Variants in KRT34 observed in about 807,000 individuals in gnomAD.
The protein encoded by KRT34 is keratin 34.
A neutral mutation model predicts 41.7 loss-of-function variants in KRT34; 31 were observed. That is an observed-to-expected ratio of 0.74 (90% confidence interval 0.56 to 1.00). KRT34 has a LOEUF of 1.00. Ranked by LOEUF, KRT34 falls within the 50% of genes least tolerant of loss-of-function variation. KRT34 has a pLI of 0.00. For missense variants in KRT34, 523 were observed against 500.3 expected, an observed-to-expected ratio of 1.05 and a Z score of -0.43; for synonymous variants, 224 against 212.9, an observed-to-expected ratio of 1.05 and a Z score of -0.45.
intron 2 of KRT34, 114 bp from the exon 3 acceptor site, chr17:41,381,326 T>A: frequency 8.9e-7 from 1 of 1,117,566 alleles, no homozygotes; most frequent in Non-Finnish European, 1.3e-6. Context: ...TTCTGCCTCT[T>A]CTCTTCCATA....
In KRT34 at chr17:41,379,454, C is replaced by G; in HGVS notation, c.775G>C (p.Val259Leu). 1.2e-6 allele frequency: 2 copies of G among 1,614,224 alleles called. No homozygotes were observed. The highest frequency in any genetic ancestry group is 1.7e-6 in the Non-Finnish European group (2 of 1,180,048). Residue 259 changes from valine to leucine, a missense_variant, in exon 5 of 7, where the codon GTA becomes CTA. Physicochemically the swap from Val to Leu is conservative, Grantham distance 32. Transcript: ENST00000394001. Reference protein sequence around the residue: ...TQTEELNKQVVSSSEQLQSCQ... With the variant: ...TQTEELNKQVLSSSEQLQSCQ... ...GACTGCAGCTGCTCTGAGCTGGATA[C>G]CACCTGCTTGTTCAGCTCCTCGGTC...
At position 41,381,733 on chromosome 17, in the gene KRT34, G is replaced by A; in HGVS notation, c.411C>T (p.Ala137=). ...CATACTTGCTTCTGAAGTCGTCAGA[G>A]GCCAGCTTGGCATTGTCAATGTTCA... The part of the protein sequence containing the change: ...LVVNIDNAKL[A]SDDFRSKYQT... The change falls in exon 2 of 7, where the codon GCC becomes GCT. Residue 137 remains alanine (A), a synonymous_variant. Coordinates refer to ENST00000394001, the MANE Select transcript of KRT34 (RefSeq NM_001386014.1). 6 of 1,614,164 alleles carry A rather than the reference G, an allele frequency of 3.7e-6. No homozygotes were observed. Among genetic ancestry groups the A allele is most frequent in the Non-Finnish European group, 5.1e-6 (6 of 1,179,988 alleles).
upstream of KRT34, among the ~76,000 whole-genome samples, chr17:41,382,927 G>C (rs145786320): frequency 3.2e-3 from 482 of 152,252 alleles, 4 homozygotes; most frequent in African/African-American, 0.011. Flanking sequence ...GAATGGATGG[G>C]AGTATACCTA....
chr17:41,383,398 G>A (rs550401216), upstream of KRT34, among the ~76,000 whole-genome samples: 83 of 152,340 alleles, frequency 5.4e-4, 1 homozygote, highest in Non-Finnish European at 8.5e-4. Context: ...CAGTGGCAGA[G>A]TTGTGTAGTT....
Position 41,379,582 on chromosome 17 carries a change from C to T in KRT34, c.738G>A (p.Trp246Ter), listed in dbSNP as rs763689125. ...VEINRREVEQWFATQTEELNK... is the reference protein window; with the variant it reads ...VEINRREVEQ Reference sequence around the variant, plus strand: ...CTTAGATGCCCACCTGCGTGGCGAACCATTGCTCCACTTCCCTGCGGTTAA... The same window carrying T: ...CTTAGATGCCCACCTGCGTGGCGAATCATTGCTCCACTTCCCTGCGGTTAA... The change falls in exon 4 of 7, where the codon TGG becomes TGA. Residue 246 changes from tryptophan to a stop codon, truncating the protein, a stop_gained. Transcript: ENST00000394001. LOFTEE classifies it high-confidence loss of function. 1 of 1,613,864 alleles carries T rather than the reference C, an allele frequency of 6.2e-7. No individual in the cohort carries two copies. Among genetic ancestry groups the T allele is most frequent in the Admixed American group, 1.7e-5 (1 of 59,988 alleles).
chr17:41,380,923 C>T (rs1013611209), intron 3 of KRT34, 133 bp downstream of exon 3: 7 of 869,740 alleles, frequency 8.0e-6, no homozygotes, highest in Admixed American at 2.0e-5. Context: ...GGATGTAGCA[C>T]CGTCACTCTC....
At position 41,379,510 on chromosome 17, in the gene KRT34, C is replaced by A. The variant is rs774627374; in HGVS notation, c.751-32G>T. 31 of 1,614,056 alleles carry A rather than the reference C, an allele frequency of 1.9e-5. No homozygotes were observed. In the African/African-American group the frequency reaches 4.0e-4, roughly 21 times the overall value. On this transcript the variant is annotated intron_variant, in intron 4 of 6. Transcript: ENST00000394001. The stretch of plus-strand genomic sequence containing the variant: ...CACCCAAGTGGGGAAAGGATCAGAC[C>A]CTGTCTCCAGGGCCCTGGGGCACCT...
chr17:41,379,633 C>G lies in KRT34; in HGVS notation c.687G>C (p.Arg229Ser), dbSNP rs768361702. The G allele has an allele frequency of 1.9e-6, 3 of 1,614,022 alleles. No homozygotes were observed. The highest frequency in any genetic ancestry group is 4.5e-5 in the East Asian group (2 of 44,892). The part of the protein sequence containing the change: ...VDLNQVLNET[R>S]SQYEALVEIN... ...TTTCCACCAGAGCCTCATACTGACT[C>G]CTGGTCTCGTTCAGGACCTGGTTCA... The change falls in exon 4 of 7, where the codon AGG becomes AGC. Residue 229 changes from arginine to serine, a missense_variant. Physicochemically the swap from Arg to Ser is moderately radical, Grantham distance 110. Coordinates refer to ENST00000394001, the MANE Select transcript of KRT34 (RefSeq NM_001386014.1).
At chr17:41,382,591 G>A (rs901905560), upstream of KRT34, among the ~76,000 whole-genome samples, 2 of 152,120 alleles carry the variant, frequency 1.3e-5, no homozygotes, top group African/African-American at 4.8e-5. Context: ...TTACTCAGAG[G>A]GGAGGACAGC....
chr17:41,379,388 C>T lies in KRT34; in HGVS notation c.841G>A (p.Ala281Thr), dbSNP rs779910638. Residue 281 changes from alanine to threonine, a missense_variant, in exon 5 of 7, where the codon GCC becomes ACC. By Grantham distance (58) the Ala-to-Thr change is moderately conservative. Transcript: ENST00000394001. ...TGGGCCTGCAGCTCGATCTCCAGGG[C>T]GTTGACTGTGCGTCTCAGCTCGATG... Reference protein sequence around the residue: ...EIIELRRTVNALEIELQAQHN... With the variant: ...EIIELRRTVNTLEIELQAQHN... 90 of 1,613,344 alleles carry T rather than the reference C, an allele frequency of 5.6e-5. No individual in the cohort carries two copies. Among genetic ancestry groups the T allele is most frequent in the Non-Finnish European group, 7.1e-5 (84 of 1,180,042 alleles).
intron 2 of KRT34, among the ~76,000 whole-genome samples, 199 bp from the exon 3 acceptor site, chr17:41,381,411 C>A (rs181022050): frequency 1.3e-5 from 2 of 152,282 alleles, no homozygotes; most frequent in East Asian, 1.9e-4. Context: ...AGCCCACAGG[C>A]ACACATGAGA....
In KRT34 at chr17:41,381,932, G is replaced by C. The variant is rs3744390; in HGVS notation, c.315C>G (p.Ser105=). 0.031 allele frequency: 50,159 copies of C among 1,614,200 alleles called. 1,208 individuals are homozygous for C. Among genetic ancestry groups the C allele is most frequent in the African/African-American group, 0.13 (9,605 of 75,036 alleles). ...QEPLLCPSYQ[S]YFKTIEELQQ... is the part of the protein sequence containing the mutation. ...GGAGCTCCTCAATGGTCTTGAAGTA[G>C]GACTGGTAGCTGGGGCACAGCAAGG... The change falls in exon 1 of 7, where the codon TCC becomes TCG. Residue 105 remains serine (S), a synonymous_variant. Transcript: ENST00000394001.
In KRT34 at chr17:41,379,626, A is replaced by G. The variant is rs144109786; in HGVS notation, c.694T>C (p.Tyr232His). The G allele has an allele frequency of 1.7e-4, 274 of 1,614,098 alleles. No homozygotes were observed. The highest frequency in any genetic ancestry group is 1.3e-3 in the Middle Eastern group (8 of 6,062). The part of the protein sequence containing the change: ...NQVLNETRSQ[Y>H]EALVEINRRE... ...CGGTTAATTTCCACCAGAGCCTCAT[A>G]CTGACTCCTGGTCTCGTTCAGGACC... Residue 232 changes from tyrosine to histidine, a missense_variant, in exon 4 of 7, where the codon TAT (tyrosine) becomes CAT (histidine). By Grantham distance (83) the Tyr-to-His change is moderately conservative. Coordinates refer to ENST00000394001, the MANE Select transcript of KRT34 (RefSeq NM_001386014.1).
chr17:41,382,489 T>C, upstream of KRT34: 2 of 841,510 alleles, frequency 2.4e-6, no homozygotes, highest in Non-Finnish European at 3.6e-6. Context: ...CACACCAGGC[T>C]CTTCCTGGGT....
chr17:41,379,100 A>G lies in KRT34; in HGVS notation c.953T>C (p.Ile318Thr), dbSNP rs779449926. 6.2e-7 allele frequency: 1 copy of G among 1,614,194 alleles called. No individual in the cohort carries two copies. The highest frequency in any genetic ancestry group is 1.7e-5 in the Admixed American group (1 of 60,024). The change falls in exon 6 of 7, where the codon ATC becomes ACC. Residue 318 changes from isoleucine to threonine, a missense_variant. Ile to Thr is a moderately conservative substitution (Grantham distance 89). Coordinates refer to ENST00000394001, the MANE Select transcript of KRT34 (RefSeq NM_001386014.1). ...SSQLSQVQSL[I>T]TNVESQLAEI... The stretch of plus-strand genomic sequence containing the variant: ...TGCCAGCTGAGACTCCACGTTGGTG[A>G]TCAGGCTCTGCACCTGGGACAGCTG...
At chr17:41,379,865 ATT>A in intron 3 of KRT34, 134 bp from the exon 4 acceptor site, 1 of 940,410 alleles carries the variant, frequency 1.1e-6, no homozygotes, top group Non-Finnish European at 1.6e-6. Flanking sequence ...TGACACACAC[ATT>A]TTATAGCAAT....
intron 5 of KRT34, 30 bp from the exon 6 acceptor site, chr17:41,379,206 G>C (rs1367674344): frequency 2.5e-6 from 4 of 1,613,344 alleles, no homozygotes; most frequent in Non-Finnish European, 3.4e-6. Flanking sequence ...GAATGTCAGA[G>C]AGCTGCTCCT....
rs150657723 is a variant in KRT34 at position 41,379,164 on chromosome 17, C to G, written c.889G>C (p.Glu297Gln). The change falls in exon 6 of 7, where the codon GAA (glutamate) becomes CAA (glutamine). Residue 297 changes from glutamate to glutamine, a missense_variant. By Grantham distance (29) the Glu-to-Gln change is conservative (BLOSUM62 2). Coordinates refer to ENST00000394001, the MANE Select transcript of KRT34 (RefSeq NM_001386014.1). The stretch of plus-strand genomic sequence containing the variant: ...GCCTCGCTCTCCGTCAGCGTGTTTT[C>G]CAGAGAGTCTCGCTGTGGTGGGGAA... The part of the protein sequence containing the change: ...QAQHNLRDSL[E>Q]NTLTESEAHY... The G allele has an allele frequency of 5.0e-6, 8 of 1,614,232 alleles. No homozygotes were observed. The highest frequency in any genetic ancestry group is 4.0e-5 in the African/African-American group (3 of 75,058).
intron 2 of KRT34, 21 bp downstream of exon 2, chr17:41,381,692 G>A (rs1944698858): frequency 3.1e-6 from 5 of 1,607,932 alleles, no homozygotes; most frequent in Non-Finnish European, 3.4e-6. Flanking sequence ...AGAACCATAG[G>A]GACCTTGAAG....
Sources: allele counts gnomAD v4.1 joint callset (sites outside exome capture counted in the v4.1 genomes callset), GRCh38; gene constraint gnomAD v4.1.1; transcripts MANE v1.5; gene names NCBI Gene and HGNC (gene_info 2026-07-23, HGNC 2026-07-21).